COL13A1: variants seen among roughly 807,000 people sequenced by gnomAD.
COL13A1 encodes collagen type XIII alpha 1 chain.
Under a neutral mutation model 130.9 loss-of-function variants are expected in COL13A1, and 89 were observed. The observed-to-expected ratio is 0.68, with a 90% confidence interval of 0.57 to 0.81. The LOEUF (loss-of-function observed/expected upper bound fraction) is 0.81, where lower values mean the gene tolerates loss of function less well. COL13A1 is among the 30% of genes least tolerant of loss of function. COL13A1 has a pLI of 0.00. For missense variants in COL13A1, 879 were observed against 934.6 expected, an observed-to-expected ratio of 0.94 and a Z score of 0.78; for synonymous variants, 402 against 341.6, an observed-to-expected ratio of 1.18 and a Z score of -1.95.
At chr10:69,925,056 C>T (rs1241163995) in intron 25 of COL13A1, 49 bp downstream of exon 25, 1 of 1,471,980 alleles carries the variant, frequency 6.8e-7, no homozygotes, top group East Asian at 2.6e-5. Flanking sequence ...GCTGGTAAAT[C>T]AAAAAAGCAT....
In COL13A1 at chr10:69,817,186, G is replaced by A. The variant is rs555688216; in HGVS notation, c.295-5183G>A. Among the ~76,000 whole-genome samples the A allele has an allele frequency of 1.1e-4, 17 of 152,136 alleles. No homozygotes were observed. The East Asian group carries it at 2.7e-3, about 24-fold the overall frequency. ...ACAGCCTCAAATATTTATGTTTGCCGGCCCCTGATGTAAATGATCCAATCT... is the reference window on the plus strand; with the variant it reads ...ACAGCCTCAAATATTTATGTTTGCCAGCCCCTGATGTAAATGATCCAATCT... On this transcript the variant is annotated intron_variant, in intron 1 of 40. Transcript: ENST00000645393.
At position 69,802,618 on chromosome 10, in the gene COL13A1, G is replaced by T; in HGVS notation, c.195G>T (p.Thr65=). 6.2e-7 allele frequency: 1 copy of T among 1,613,146 alleles called. No homozygotes were observed. The highest frequency in any genetic ancestry group is 8.5e-7 in the Non-Finnish European group (1 of 1,179,482). Residue 65 remains threonine (T), a synonymous_variant, in exon 1 of 41, where the codon ACG becomes ACT. Coordinates refer to ENST00000645393, the MANE Select transcript of COL13A1 (RefSeq NM_001368882.1). Reference sequence around the variant, plus strand: ...TCAGCCTGCTCGCCCACTTTCGGACGGCCGAGCTGCAGGCCCGGGTGCTGC... The same window carrying T: ...TCAGCCTGCTCGCCCACTTTCGGACTGCCGAGCTGCAGGCCCGGGTGCTGC... The part of the protein sequence containing the change: ...LALSLLAHFR[T]AELQARVLRL...
At chr10:69,939,891 A>G (rs575211106) in intron 34 of COL13A1, among the ~76,000 whole-genome samples, 12 of 152,292 alleles carry the variant, frequency 7.9e-5, no homozygotes, top group South Asian at 4.1e-4. Flanking sequence ...GAGTCCTTCT[A>G]CCCAACACCT....
intron 1 of COL13A1, among the ~76,000 whole-genome samples, chr10:69,821,127 G>A (rs1845970378): frequency 6.6e-6 from 1 of 152,190 alleles, no homozygotes; most frequent in African/African-American, 2.4e-5. Context: ...GTCAGTCCTG[G>A]CCAGCCAGAG....
At chr10:69,820,163 A>G (rs1310220909) in intron 1 of COL13A1, among the ~76,000 whole-genome samples, 2 of 152,168 alleles carry the variant, frequency 1.3e-5, no homozygotes, top group Admixed American at 6.5e-5. Flanking sequence ...TTTTTCTCCC[A>G]GCATTTATCA....
At chr10:69,925,050 G>T (rs1203777648) in intron 25 of COL13A1, 43 bp downstream of exon 25, 1 of 1,487,466 alleles carries the variant, frequency 6.7e-7, no homozygotes, top group Non-Finnish European at 8.9e-7. Flanking sequence ...GAAGCGGCTG[G>T]TAAATCAAAA....
At chr10:69,833,789 T>C (rs1005370968) in intron 2 of COL13A1, among the ~76,000 whole-genome samples, 4 of 152,014 alleles carry the variant, frequency 2.6e-5, no homozygotes, top group Admixed American at 6.6e-5. Context: ...CTCTGGGAAA[T>C]GAGGAATGAT....
Position 69,915,182 on chromosome 10 carries a change from A to G in COL13A1, c.922-2107A>G, listed in dbSNP as rs144176759. Among the ~76,000 whole-genome samples the G allele has an allele frequency of 1.1e-4, 17 of 152,360 alleles. No homozygotes were observed. In the East Asian group the frequency reaches 3.3e-3, roughly 29 times the overall value. The stretch of plus-strand genomic sequence containing the variant: ...TGAAGCAAGAATAACGTCCACTCCC[A>G]CATTGGAAGGGATTGTTGGAGATGG... On this transcript the variant is annotated intron_variant, in intron 17 of 40. Coordinates refer to ENST00000645393, the MANE Select transcript of COL13A1 (RefSeq NM_001368882.1).
chr10:69,885,225 G>A (rs1374219451), intron 7 of COL13A1, among the ~76,000 whole-genome samples: 1 of 152,064 alleles, frequency 6.6e-6, no homozygotes, highest in African/African-American at 2.4e-5. Flanking sequence ...AAACACACCA[G>A]AAACAAAATA....
chr10:69,938,393 G>A (rs980970923), intron 34 of COL13A1, among the ~76,000 whole-genome samples: 18 of 151,984 alleles, frequency 1.2e-4, no homozygotes, highest in African/African-American at 2.7e-4. Flanking sequence ...CCTGGAGCCC[G>A]GGCTCCATGC....
At chr10:69,893,124 G>A (rs1196905028) in intron 10 of COL13A1, among the ~76,000 whole-genome samples, 1 of 152,236 alleles carries the variant, frequency 6.6e-6, no homozygotes, top group Non-Finnish European at 1.5e-5. Flanking sequence ...GCCAGCACGG[G>A]CAGATTGCTT....
At chr10:69,818,905 C>T (rs1845320342) in intron 1 of COL13A1, among the ~76,000 whole-genome samples, 2 of 152,230 alleles carry the variant, frequency 1.3e-5, no homozygotes, top group South Asian at 2.1e-4. Context: ...TCCCAGCTAT[C>T]TGGGCATCCT....
intron 7 of COL13A1, among the ~76,000 whole-genome samples, chr10:69,885,805 A>G (rs909093855): frequency 4.6e-5 from 7 of 152,140 alleles, no homozygotes; most frequent in Non-Finnish European, 1.0e-4. Flanking sequence ...TATTCTTAGC[A>G]TCACTTATCC....
At chr10:69,823,208 TGTCCACC>T in intron 2 of COL13A1, among the ~76,000 whole-genome samples, 1 of 152,228 alleles carries the variant, frequency 6.6e-6, no homozygotes, top group African/African-American at 2.4e-5. Context: ...TCAAGTGCAT[TGTCCACC>T]ATGAATGCAA....
In COL13A1 at chr10:69,958,815, A is replaced by C. The variant is rs905881559; in HGVS notation, c.*114A>C. On this transcript the variant is annotated 3_prime_UTR_variant, in exon 41 of 41. Transcript: ENST00000645393. Reference sequence around the variant, plus strand: ...TATGATGCATCTTACAGATTATTAAAAAAGAAAGAAAAACCTGCATATTTT... The same window carrying C: ...TATGATGCATCTTACAGATTATTAACAAAGAAAGAAAAACCTGCATATTTT... 1.7e-5 allele frequency: 24 copies of C among 1,403,992 alleles called. No homozygotes were observed. Among genetic ancestry groups the C allele is most frequent in the African/African-American group, 2.9e-5 (2 of 68,932 alleles). 87.0% of individuals were successfully genotyped at this position (1,403,992 alleles called of 1,614,324 possible). A position where few individuals can be genotyped will look rare whatever the true frequency, so the allele number is the denominator to read the frequency against.
In COL13A1 at chr10:69,896,840, A is replaced by C. The variant is rs189637543; in HGVS notation, c.684+1264A>C. 9.2e-5 allele frequency among the ~76,000 whole-genome samples: 14 copies of C among 152,356 alleles called. No homozygotes were observed. The East Asian group carries it at 2.7e-3, about 29-fold the overall frequency. On this transcript the variant is annotated intron_variant, in intron 13 of 40. Coordinates refer to ENST00000645393, the MANE Select transcript of COL13A1 (RefSeq NM_001368882.1). The stretch of plus-strand genomic sequence containing the variant: ...TCAGCGGCATGTGCTCCAGGGATGC[A>C]GGGGCCCTGCTGTTCCGGCCAGCCT...
chr10:69,893,191 A>G (rs1392185282), intron 10 of COL13A1, among the ~76,000 whole-genome samples: 1 of 152,236 alleles, frequency 6.6e-6, no homozygotes, highest in Non-Finnish European at 1.5e-5. Context: ...TCTCTACAAA[A>G]AAATGCAAGA....
At chr10:69,842,528 C>T (rs1240599225) in intron 2 of COL13A1, among the ~76,000 whole-genome samples, 1 of 152,188 alleles carries the variant, frequency 6.6e-6, no homozygotes, top group East Asian at 1.9e-4. Flanking sequence ...TGTCCAAGGA[C>T]CTCCCCTACT....
rs2061549513 is a variant in COL13A1, at chr10:69,895,535, C to G, written c.658-15C>G. The G allele has an allele frequency of 2.5e-6, 4 of 1,613,880 alleles. No homozygotes were observed. The highest frequency in any genetic ancestry group is 3.3e-5 in the Admixed American group (2 of 60,014). On this transcript the variant is annotated splice_polypyrimidine_tract_variant and intron_variant, in intron 12 of 40. Transcript: ENST00000645393. ...AAGTGCCTAACACCACCTTTCCCTT[C>G]CCTCTCCTTCCCAGGGTCAGTGTGG...
Sources: gnomAD v4.1 joint callset for allele counts (sites outside exome capture counted in the v4.1 genomes callset) on GRCh38, gnomAD v4.1.1 for gene constraint, MANE v1.5 for transcripts, NCBI Gene and HGNC (gene_info 2026-07-23, HGNC 2026-07-21) for gene names.